Variants in PPHLN1 observed in about 807,000 individuals in gnomAD.
PPHLN1 encodes periphilin 1.
A neutral mutation model predicts 51.3 loss-of-function variants in PPHLN1; 29 were observed. The observed-to-expected ratio is 0.57, with a 90% confidence interval of 0.42 to 0.77. The LOEUF is 0.77. Ranked by LOEUF, PPHLN1 falls within the 30% of genes least tolerant of loss-of-function variation. The pLI is 0.00. For missense variants in PPHLN1, 436 were observed against 438.4 expected, an observed-to-expected ratio of 0.99 and a Z score of 0.05; for synonymous variants, 147 against 147.8, an observed-to-expected ratio of 0.99 and a Z score of 0.04.
At chr12:42,432,206 T>G in intron 9 of PPHLN1, 1 of 807,806 alleles carries the variant, frequency 1.2e-6, no homozygotes, top group Non-Finnish European at 2.3e-6. Context: ...AGATTCTATT[T>G]CAGAGGGGTT....
In PPHLN1 at chr12:42,416,634, G is replaced by A. The variant is rs912113759; in HGVS notation, c.909+17640G>A. 4.6e-5 allele frequency among the ~76,000 whole-genome samples: 7 copies of A among 152,142 alleles called. No homozygotes were observed. The East Asian group carries it at 9.6e-4, about 21-fold the overall frequency. On this transcript the variant is annotated intron_variant, in intron 9 of 9. Coordinates refer to ENST00000358314, the MANE Select transcript of PPHLN1 (RefSeq NM_201439.2). ...TATGAATACAGTTTTATTATAAAGGGTGCAAATCAGGAAGGAAGTGTTCTG... is the reference window on the plus strand; with the variant it reads ...TATGAATACAGTTTTATTATAAAGGATGCAAATCAGGAAGGAAGTGTTCTG...
In PPHLN1 at chr12:42,350,780, C is replaced by T. The variant is rs185167557; in HGVS notation, c.73-1105C>T. 1.4e-3 allele frequency among the ~76,000 whole-genome samples: 206 copies of T among 152,204 alleles called. 4 individuals are homozygous for T. The highest frequency in any genetic ancestry group is 4.6e-3 in the African/African-American group (189 of 41,530). ...GAGCTGGAGACCAGCCCGGCCAACACGGCGAAACCCCATCTCCACCAAAAA... is the reference window on the plus strand; with the variant it reads ...GAGCTGGAGACCAGCCCGGCCAACATGGCGAAACCCCATCTCCACCAAAAA... On this transcript the variant is annotated intron_variant, in intron 2 of 9. Transcript: ENST00000358314.
chr12:42,409,838 TTG>T (rs1336503487), intron 9 of PPHLN1, among the ~76,000 whole-genome samples: 1 of 152,142 alleles, frequency 6.6e-6, no homozygotes, highest in Non-Finnish European at 1.5e-5. Flanking sequence ...ATTAGTTTCA[TTG>T]TCTTCTATTG....
At chr12:42,428,962 C>A (rs2081777073) in intron 9 of PPHLN1, among the ~76,000 whole-genome samples, 1 of 151,848 alleles carries the variant, frequency 6.6e-6, no homozygotes, top group Non-Finnish European at 1.5e-5. Context: ...ATTAAGCCTA[C>A]TCCTCCTTGC....
intron 9 of PPHLN1, among the ~76,000 whole-genome samples, chr12:42,402,302 G>A (rs2078914961): frequency 6.6e-6 from 1 of 152,142 alleles, no homozygotes; most frequent in Admixed American, 6.6e-5. Flanking sequence ...AGCTATGCCA[G>A]CTTTGTTATG....
At chr12:42,443,718 A>T (rs2083134830), downstream of PPHLN1, 1 of 152,252 alleles carries the variant, frequency 6.6e-6, no homozygotes, top group Non-Finnish European at 1.5e-5. Flanking sequence ...AGACTTTTGC[A>T]TGGCTTACAA....
At chr12:42,358,442 A>T (rs1157382978) in intron 4 of PPHLN1, among the ~76,000 whole-genome samples, 2 of 152,142 alleles carry the variant, frequency 1.3e-5, no homozygotes, top group Non-Finnish European at 2.9e-5. Flanking sequence ...CCAGGCTTGA[A>T]TGCAATGGTG....
chr12:42,410,642 A>G (rs530381710), intron 9 of PPHLN1, among the ~76,000 whole-genome samples: 1 of 152,358 alleles, frequency 6.6e-6, no homozygotes, highest in East Asian at 1.9e-4. Flanking sequence ...GCTAATGAAG[A>G]TAAATATTAC....
At chr12:42,371,937 A>G (rs2075840353) in intron 4 of PPHLN1, among the ~76,000 whole-genome samples, 1 of 152,092 alleles carries the variant, frequency 6.6e-6, no homozygotes, top group Non-Finnish European at 1.5e-5. Flanking sequence ...TCTAAATCTC[A>G]TCTTTCCTTA....
chr12:42,344,051 CT>C (rs2071899624), intron 2 of PPHLN1: 1 of 280,836 alleles, frequency 3.6e-6, no homozygotes, highest in Non-Finnish European at 6.9e-6. Flanking sequence ...TTGTATGGTA[CT>C]TTTCTGTAAA....
At chr12:42,413,708 C>T (rs1179234929) in intron 9 of PPHLN1, among the ~76,000 whole-genome samples, 1 of 151,820 alleles carries the variant, frequency 6.6e-6, no homozygotes, top group African/African-American at 2.4e-5. Context: ...ATTACAGGCA[C>T]CTGCCACCAC....
chr12:42,392,206 A>G (rs1436472085), intron 7 of PPHLN1, among the ~76,000 whole-genome samples: 1 of 152,160 alleles, frequency 6.6e-6, no homozygotes, highest in African/African-American at 2.4e-5. Context: ...ACAGAGTGAG[A>G]CTGCATTCCC....
At chr12:42,426,226 A>T (rs993173819) in intron 9 of PPHLN1, among the ~76,000 whole-genome samples, 1 of 123,110 alleles carries the variant, frequency 8.1e-6, no homozygotes, top group Non-Finnish European at 1.7e-5. Context: ...ACACACACAC[A>T]CACCCTCATG....
In PPHLN1 at chr12:42,426,228, A is replaced by ACACACACACACACC. The variant is rs371819974; in HGVS notation, c.910-15086_910-15085insACACACACACACCC. Among the ~76,000 whole-genome samples, 13 of 129,870 alleles carry ACACACACACACACC rather than the reference A, an allele frequency of 1.0e-4. No homozygotes were observed. The South Asian group carries it at 1.0e-3, about 10-fold the overall frequency. The allele number at this position is 129,870 out of a possible 152,430, so 85.2% of individuals were successfully genotyped here. ...CACACACACACACACACACACACACACCCTCATGCATTGTCTCATGGCAGT... is the reference window on the plus strand; with the variant it reads ...CACACACACACACACACACACACACACACACACACACACCCCCTCATGCATTGTCTCATGGCAGT... On this transcript the variant is annotated intron_variant, in intron 9 of 9. Transcript: ENST00000358314.
At chr12:42,386,244 A>T (rs1056193173) in intron 6 of PPHLN1, among the ~76,000 whole-genome samples, 1 of 152,232 alleles carries the variant, frequency 6.6e-6, no homozygotes, top group Admixed American at 6.5e-5. Flanking sequence ...ATATGCCAGT[A>T]GCCCTCTCCC....
At position 42,386,405 on chromosome 12, in the gene PPHLN1, G is replaced by A. The variant is rs116421709; in HGVS notation, c.569-1051G>A. Among the ~76,000 whole-genome samples, 311 of 152,344 alleles carry A rather than the reference G, an allele frequency of 2.0e-3. 1 individual carries two copies. The highest frequency in any genetic ancestry group is 7.1e-3 in the African/African-American group (295 of 41,574). On this transcript the variant is annotated intron_variant, in intron 6 of 9. Transcript: ENST00000358314. The stretch of plus-strand genomic sequence containing the variant: ...GTGTTATTCACCACTTTCCTAGGTG[G>A]TTGGAAGTCTTTGAGCCTCCAGGAC...
intron 4 of PPHLN1, among the ~76,000 whole-genome samples, chr12:42,369,962 T>G (rs577219730): frequency 2.0e-5 from 3 of 152,352 alleles, no homozygotes; most frequent in East Asian, 3.9e-4. Flanking sequence ...TAATGCCATG[T>G]TTAACTCTAG....
rs1011305159 is a variant in PPHLN1 at position 42,326,216 on chromosome 12, G to A, written c.-34G>A. The A allele has an allele frequency of 6.6e-5, 10 of 152,336 alleles. No individual in the cohort carries two copies. Among genetic ancestry groups the A allele is most frequent in the Admixed American group, 5.2e-4 (8 of 15,296 alleles). The allele number at this position is 152,336 out of a possible 1,614,324, so 9.4% of individuals were successfully genotyped here. On this transcript the variant is annotated 5_prime_UTR_variant, in exon 1 of 10. Coordinates refer to ENST00000358314, the MANE Select transcript of PPHLN1 (RefSeq NM_201439.2). ...ACGGCTGCATTTACGGGGTCTCCCGGAGGGCCAGAGTCGGTGAGCGCTTTT... is the reference window on the plus strand; with the variant it reads ...ACGGCTGCATTTACGGGGTCTCCCGAAGGGCCAGAGTCGGTGAGCGCTTTT...
chr12:42,420,132 T>C (rs1177201443), intron 9 of PPHLN1, among the ~76,000 whole-genome samples: 1 of 152,190 alleles, frequency 6.6e-6, no homozygotes, highest in East Asian at 1.9e-4. Context: ...TGGAGAGGAT[T>C]CAGTGTTTAG....
Sources: gnomAD v4.1 joint callset for allele counts (sites outside exome capture counted in the v4.1 genomes callset) on GRCh38, gnomAD v4.1.1 for gene constraint, MANE v1.5 for transcripts, NCBI Gene and HGNC (gene_info 2026-07-23, HGNC 2026-07-21) for gene names.